ESRRB: variants seen among roughly 807,000 people sequenced by gnomAD.
The protein encoded by ESRRB is steroid hormone receptor ERR2.
ESRRB carries 16 observed loss-of-function variants against 46.0 expected under a neutral mutation model. The observed-to-expected ratio is 0.35, with a 90% CI of 0.24 to 0.53. ESRRB has a LOEUF of 0.53. Ranked by LOEUF, ESRRB falls within the 20% of genes least tolerant of loss-of-function variation. The probability of loss-of-function intolerance (pLI) is 0.93; values close to 1 mark genes in which losing one functional copy is unlikely to be tolerated. For synonymous variants in ESRRB, 246 were observed against 259.6 expected, an observed-to-expected ratio of 0.95 and a Z score of 0.50; for missense variants, 488 against 607.4, an observed-to-expected ratio of 0.80 and a Z score of 2.07.
intron 1 of ESRRB, among the ~76,000 whole-genome samples, chr14:76,332,785 TATATAA>T (rs1884046084): frequency 2.1e-4 from 2 of 9,356 alleles, no homozygotes; most frequent in South Asian, 6.8e-3. Context: ...TTATATATTA[TATATAA>T]ATATATAATA....
In ESRRB at chr14:76,439,665, C is replaced by G. The variant is rs770677880; in HGVS notation, c.375C>G (p.Leu125=). Reference sequence around the variant, plus strand: ...ACGCCATCCCCAAGCGCCTGTGCCTCGTGTGCGGGGACATTGCCTCTGGCT... The same window carrying G: ...ACGCCATCCCCAAGCGCCTGTGCCTGGTGTGCGGGGACATTGCCTCTGGCT... The part of the protein sequence containing the change: ...MLNAIPKRLC[L]VCGDIASGYH... Residue 125 remains leucine, a synonymous_variant, in exon 2 of 7, where the codon CTC becomes CTG. Coordinates refer to ENST00000644823, the MANE Select transcript of ESRRB (RefSeq NM_001379180.1). 1.2e-6 allele frequency: 2 copies of G among 1,614,248 alleles called. No individual in the cohort carries two copies. The highest frequency in any genetic ancestry group is 4.5e-5 in the East Asian group (2 of 44,886).
chr14:76,333,408 GATATATTTATATCATAT>G (rs1238347450), intron 1 of ESRRB, among the ~76,000 whole-genome samples: 6 of 89,974 alleles, frequency 6.7e-5, no homozygotes, highest in Non-Finnish European at 1.3e-4. Context: ...ATTTATATAT[GATATATTTATATCATAT>G]ATATATTTAT....
At chr14:76,483,649 T>C (rs1424548328) in intron 5 of ESRRB, among the ~76,000 whole-genome samples, 1 of 152,172 alleles carries the variant, frequency 6.6e-6, no homozygotes. Context: ...AATTTATTCC[T>C]CAACTCCTTT....
intron 1 of ESRRB, among the ~76,000 whole-genome samples, chr14:76,362,131 C>T (rs760874434): frequency 2.0e-4 from 31 of 152,206 alleles, no homozygotes; most frequent in Non-Finnish European, 3.5e-4. Context: ...AGGACTTCCA[C>T]TTGGGAAAGG....
At chr14:76,469,398 T>A in intron 3 of ESRRB, among the ~76,000 whole-genome samples, 1 of 152,122 alleles carries the variant, frequency 6.6e-6, no homozygotes, top group East Asian at 1.9e-4. Context: ...CCCAACCCCT[T>A]ACCAAGGACT....
chr14:76,394,742 T>G (rs1323026797), intron 1 of ESRRB, among the ~76,000 whole-genome samples: 1 of 152,162 alleles, frequency 6.6e-6, no homozygotes, highest in Non-Finnish European at 1.5e-5. Context: ...CTTGGGGTTC[T>G]GAGTACCTAA....
chr14:76,452,127 A>G (rs1044190726), intron 2 of ESRRB, among the ~76,000 whole-genome samples: 2 of 151,150 alleles, frequency 1.3e-5, no homozygotes, highest in African/African-American at 2.4e-5. Flanking sequence ...TTTTAAGTAG[A>G]AAGGGGGTTT....
At chr14:76,314,002 TA>T (rs1883768801) in intron 1 of ESRRB, among the ~76,000 whole-genome samples, 3 of 152,160 alleles carry the variant, frequency 2.0e-5, no homozygotes, top group Non-Finnish European at 4.4e-5. Context: ...GCTCATTTCC[TA>T]ATCAAACAGA....
intron 6 of ESRRB, among the ~76,000 whole-genome samples, chr14:76,495,948 C>G (rs543902510): frequency 6.6e-6 from 1 of 152,192 alleles, no homozygotes; most frequent in Admixed American, 6.5e-5. Context: ...ATGCTTTGAG[C>G]AGGCTGGGTT....
At chr14:76,471,217 A>T (rs980522160) in intron 3 of ESRRB, among the ~76,000 whole-genome samples, 1 of 152,056 alleles carries the variant, frequency 6.6e-6, no homozygotes, top group Non-Finnish European at 1.5e-5. Flanking sequence ...ACTTTTCTTC[A>T]TCTCCATGGT....
At chr14:76,434,082 C>T (rs886541717) in intron 1 of ESRRB, among the ~76,000 whole-genome samples, 6 of 152,136 alleles carry the variant, frequency 3.9e-5, no homozygotes, top group African/African-American at 1.4e-4. Flanking sequence ...CCTCAGCCTC[C>T]CCAGTAGCTG....
rs1890582785 is a variant in ESRRB at position 76,499,633 on chromosome 14, TG to T, written c.*1176del. ...CACACTTGGGCTACCAGAGGTTTGG[TG>T]TAGCTCCCCTGGGCACCGCGAGCAC... is the stretch of plus-strand genomic sequence containing the variant. On this transcript the variant is annotated 3_prime_UTR_variant, in exon 7 of 7. Transcript: ENST00000644823. 1.7e-6 allele frequency: 1 copy of T among 593,368 alleles called. No individual in the cohort carries two copies. The highest frequency in any genetic ancestry group is 1.8e-5 in the African/African-American group (1 of 54,320). 36.8% of individuals were successfully genotyped at this position (593,368 alleles called of 1,614,324 possible).
chr14:76,469,929 G>C (rs60845276), intron 3 of ESRRB, among the ~76,000 whole-genome samples: 1 of 78,754 alleles, frequency 1.3e-5, no homozygotes. Context: ...GTTTTTTGTT[G>C]TTTTTTTTTT....
intron 1 of ESRRB, among the ~76,000 whole-genome samples, chr14:76,430,085 G>T (rs1394297006): frequency 6.6e-6 from 1 of 152,112 alleles, no homozygotes; most frequent in Non-Finnish European, 1.5e-5. Context: ...AGGAAAACTG[G>T]AACCTTGACA....
intron 1 of ESRRB, among the ~76,000 whole-genome samples, chr14:76,341,742 G>A (rs1884193764): frequency 6.6e-6 from 1 of 152,242 alleles, no homozygotes; most frequent in Non-Finnish European, 1.5e-5. Context: ...GCCAGAATTT[G>A]ACCCTAGCTT....
At chr14:76,456,225 A>G (rs1307095789) in intron 2 of ESRRB, among the ~76,000 whole-genome samples, 1 of 152,016 alleles carries the variant, frequency 6.6e-6, no homozygotes, top group East Asian at 1.9e-4. Flanking sequence ...TCTTATCTGG[A>G]TCCCTTGCTT....
At chr14:76,399,852 C>A (rs188651257) in intron 1 of ESRRB, among the ~76,000 whole-genome samples, 211 of 152,278 alleles carry the variant, frequency 1.4e-3, no homozygotes, top group African/African-American at 4.9e-3. Context: ...CAGTCACACC[C>A]TGCTGCTCCT....
chr14:76,393,305 T>A (rs76574528), intron 1 of ESRRB, among the ~76,000 whole-genome samples: 2,479 of 152,154 alleles, frequency 0.016, 29 homozygotes, highest in Non-Finnish European at 0.024. Flanking sequence ...GTAGCTCCAG[T>A]AGACGCCCCT....
Position 76,343,378 on chromosome 14 carries a change from G to T in ESRRB, c.2+32462G>T, listed in dbSNP as rs74615879. Among the ~76,000 whole-genome samples the T allele has an allele frequency of 1.5e-4, 23 of 152,364 alleles. No individual in the cohort carries two copies. In the East Asian group the frequency reaches 4.0e-3, roughly 27 times the overall value. On this transcript the variant is annotated intron_variant, in intron 1 of 6. Transcript: ENST00000512784. Reference sequence around the variant, plus strand: ...ATGGACTCTGAAGTCAGACTGTTTGGATTCGAATCCAACAAGTGTAACCAC... The same window carrying T: ...ATGGACTCTGAAGTCAGACTGTTTGTATTCGAATCCAACAAGTGTAACCAC...
Sources: allele counts gnomAD v4.1 joint callset (sites outside exome capture counted in the v4.1 genomes callset), GRCh38; gene constraint gnomAD v4.1.1; transcripts MANE v1.5; gene names NCBI Gene and HGNC (gene_info 2026-07-23, HGNC 2026-07-21).